TAFA2: variants seen among roughly 807,000 people sequenced by gnomAD.
The protein encoded by TAFA2 is TAFA chemokine like family member 2.
Under a neutral mutation model 18.8 loss-of-function variants are expected in TAFA2, and 7 were observed. That is an observed-to-expected ratio of 0.37 (90% CI 0.21 to 0.70). TAFA2 has a LOEUF of 0.70. TAFA2 is among the 30% of genes least tolerant of loss of function. TAFA2 has a pLI of 0.53. For synonymous variants in TAFA2, 60 were observed against 54.2 expected, an observed-to-expected ratio of 1.11 and a Z score of -0.47; for missense variants, 122 against 158.1, an observed-to-expected ratio of 0.77 and a Z score of 1.23.
chr12:62,059,139 A>ATGTGTGTGTGTGTG (rs374882700), intron 1 of TAFA2, among the ~76,000 whole-genome samples: 3,747 of 136,256 alleles, frequency 0.027, 93 homozygotes, highest in African/African-American at 0.051. Flanking sequence ...ATGTGTGTAT[A>ATGTGTGTGTGTGTG]TGTGTGTGTG....
intron 1 of TAFA2, among the ~76,000 whole-genome samples, chr12:62,148,797 C>T (rs1032449403): frequency 1.3e-5 from 2 of 152,104 alleles, no homozygotes; most frequent in Admixed American, 6.5e-5. Context: ...TTCTGAGTAA[C>T]CGGTATACTC....
intron 1 of TAFA2, chr12:62,255,039 A>G (rs1214581190): frequency 6.6e-6 from 1 of 152,252 alleles, no homozygotes; most frequent in Non-Finnish European, 1.5e-5. Context: ...AAGATCCATG[A>G]GCATAAAATA....
intron 4 of TAFA2, among the ~76,000 whole-genome samples, chr12:61,742,609 A>G (rs1868508200): frequency 1.3e-5 from 2 of 152,040 alleles, no homozygotes; most frequent in African/African-American, 4.8e-5. Flanking sequence ...ATTTCTTTTG[A>G]GAGAGCATTC....
chr12:61,910,698 G>A (rs1397137321), intron 1 of TAFA2, among the ~76,000 whole-genome samples: 1 of 152,172 alleles, frequency 6.6e-6, no homozygotes, highest in Admixed American at 6.5e-5. Context: ...CTAGCCCCAG[G>A]TCACACATAA....
At chr12:62,161,860 T>C (rs747371377) in intron 1 of TAFA2, among the ~76,000 whole-genome samples, 6 of 152,178 alleles carry the variant, frequency 3.9e-5, no homozygotes, top group Non-Finnish European at 7.3e-5. Flanking sequence ...GTGTTTGGGG[T>C]CTTTATTTAG....
At chr12:62,002,262 C>T (rs1880404470) in intron 1 of TAFA2, among the ~76,000 whole-genome samples, 1 of 152,128 alleles carries the variant, frequency 6.6e-6, no homozygotes, top group African/African-American at 2.4e-5. Flanking sequence ...GGGAAAATTT[C>T]TGTGAGACAC....
intron 1 of TAFA2, among the ~76,000 whole-genome samples, chr12:62,066,507 G>T (rs1264411678): frequency 6.6e-6 from 1 of 151,544 alleles, no homozygotes; most frequent in African/African-American, 2.4e-5. Flanking sequence ...CTATTTCAAT[G>T]AGTTCAATTA....
Position 62,186,691 on chromosome 12 carries a change from C to G in TAFA2, c.-2+4568G>C, listed in dbSNP as rs189495491. Among the ~76,000 whole-genome samples, 3 of 152,170 alleles carry G rather than the reference C, an allele frequency of 2.0e-5. No homozygotes were observed. In the East Asian group the frequency reaches 5.8e-4, roughly 29 times the overall value. ...AACAATTACAGCTACTATGGAGTAA[C>G]TTAGGAGATTGAAGGAAGTGATTAA... On this transcript the variant is annotated intron_variant, in intron 1 of 4. Transcript: ENST00000416284.
At chr12:62,011,166 C>CCT (rs1449133305) in intron 1 of TAFA2, among the ~76,000 whole-genome samples, 2 of 150,766 alleles carry the variant, frequency 1.3e-5, no homozygotes, top group Non-Finnish European at 3.0e-5. Flanking sequence ...ATGAGGAGTG[C>CCT]CTCTGCCCGG....
chr12:61,885,860 A>C (rs1490749573), intron 1 of TAFA2, among the ~76,000 whole-genome samples: 1 of 152,142 alleles, frequency 6.6e-6, no homozygotes, highest in Non-Finnish European at 1.5e-5. Context: ...AGAGAATACT[A>C]TGACAGATCC....
At chr12:62,063,823 A>G (rs550739803) in intron 1 of TAFA2, among the ~76,000 whole-genome samples, 1 of 151,718 alleles carries the variant, frequency 6.6e-6, no homozygotes, top group South Asian at 2.1e-4. Flanking sequence ...ATATAAAGAA[A>G]ACCAATGGTT....
At chr12:62,131,741 T>A (rs1232499948) in intron 1 of TAFA2, among the ~76,000 whole-genome samples, 2 of 152,084 alleles carry the variant, frequency 1.3e-5, no homozygotes. Flanking sequence ...TGTTCTTTTT[T>A]AATCTCTACT....
At chr12:62,250,021 G>C (rs572052219) in intron 1 of TAFA2, among the ~76,000 whole-genome samples, 2 of 152,234 alleles carry the variant, frequency 1.3e-5, no homozygotes, top group African/African-American at 2.4e-5. Context: ...TAATGAAAAA[G>C]GGTTTATTTG....
intron 1 of TAFA2, among the ~76,000 whole-genome samples, chr12:62,158,831 C>T (rs1190312763): frequency 2.0e-5 from 3 of 152,076 alleles, no homozygotes; most frequent in African/African-American, 4.8e-5. Flanking sequence ...ATTACTTAAA[C>T]AAGGTTCATG....
chr12:61,883,646 A>G (rs1875246028), intron 1 of TAFA2, among the ~76,000 whole-genome samples: 1 of 152,214 alleles, frequency 6.6e-6, no homozygotes, highest in African/African-American at 2.4e-5. Context: ...GCTTAGAAAG[A>G]GATACCAAAT....
intron 1 of TAFA2, among the ~76,000 whole-genome samples, chr12:62,086,372 A>G (rs774226820): frequency 7.9e-5 from 12 of 152,126 alleles, no homozygotes; most frequent in Non-Finnish European, 1.3e-4. Context: ...CCATAAAATG[A>G]GACAAAATAT....
At chr12:62,047,711 G>T (rs1881945362) in intron 1 of TAFA2, among the ~76,000 whole-genome samples, 1 of 152,010 alleles carries the variant, frequency 6.6e-6, no homozygotes, top group Non-Finnish European at 1.5e-5. Flanking sequence ...AGATATAAAA[G>T]AATTGTCATT....
At position 61,848,181 on chromosome 12, in the gene TAFA2, T is replaced by C. The variant is rs75202429; in HGVS notation, c.106+19139A>G. 1.2e-3 allele frequency among the ~76,000 whole-genome samples: 188 copies of C among 152,340 alleles called. 5 individuals carry two copies. The East Asian group carries it at 0.031, about 25-fold the overall frequency. ...TACACATTTGCAAACGCAGATGAAT[T>C]GCATGTATGGGCAAATAAATCGGAG... On this transcript the variant is annotated intron_variant, in intron 2 of 4. Transcript: ENST00000416284.
At chr12:61,807,268 A>G (rs1030311541) in intron 2 of TAFA2, among the ~76,000 whole-genome samples, 5 of 151,358 alleles carry the variant, frequency 3.3e-5, no homozygotes, top group African/African-American at 7.4e-5. Flanking sequence ...TGTAAAGCTC[A>G]GGCCATGGTT....
Sources: gnomAD v4.1 joint callset for allele counts (sites outside exome capture counted in the v4.1 genomes callset) on GRCh38, gnomAD v4.1.1 for gene constraint, MANE v1.5 for transcripts, NCBI Gene and HGNC (gene_info 2026-07-23, HGNC 2026-07-21) for gene names.